Variants in PADI1 observed in about 807,000 individuals in gnomAD.
PADI1 encodes the protein peptidyl arginine deiminase 1, also known as protein-arginine deiminase type-1.
Under a neutral mutation model 74.8 loss-of-function variants are expected in PADI1, and 65 were observed. The ratio of observed to expected loss-of-function variants is 0.87; its 90% CI spans 0.71 to 1.07. The LOEUF is 1.07. PADI1 is among the 50% of genes least tolerant of loss of function. The pLI is 0.00. For synonymous variants in PADI1, 371 were observed against 336.2 expected (o/e 1.10, Z -1.13); for missense variants, 943 against 854.0 (o/e 1.10, Z -1.30).
intron 1 of PADI1, among the ~76,000 whole-genome samples, chr1:17,210,449 C>T (rs1005268143): frequency 6.6e-6 from 1 of 152,048 alleles, no homozygotes; most frequent in Non-Finnish European, 1.5e-5. Flanking sequence ...ACATTCTGGT[C>T]CCCAGCCCCT....
chr1:17,220,983 A>AGGGGTAGGGTGGGGGCCCGGCAGATGAGT (rs2072131954), intron 1 of PADI1, among the ~76,000 whole-genome samples: 1 of 152,092 alleles, frequency 6.6e-6, no homozygotes, highest in Non-Finnish European at 1.5e-5. Context: ...TGGTGGTGTG[A>AGGGGTAGGGTGGGGGCCCGGCAGATGAGT]GGGGTAGGGT....
chr1:17,214,881 C>A (rs561839984), intron 1 of PADI1, among the ~76,000 whole-genome samples: 1 of 152,224 alleles, frequency 6.6e-6, no homozygotes, highest in African/African-American at 2.4e-5. Context: ...TCAAAGGCAG[C>A]GCAGGGCTCA....
chr1:17,219,238 C>T (rs561043745), intron 1 of PADI1, among the ~76,000 whole-genome samples: 5 of 151,708 alleles, frequency 3.3e-5, no homozygotes, highest in Admixed American at 6.6e-5. Context: ...GTGGCCGCAG[C>T]GGGGGACTAT....
intron 1 of PADI1, among the ~76,000 whole-genome samples, chr1:17,220,749 G>A (rs772931201): frequency 2.6e-5 from 4 of 152,326 alleles, no homozygotes; most frequent in Middle Eastern, 3.4e-3. Flanking sequence ...GAGTGTGAGC[G>A]CCACAGGCTC....
At chr1:17,227,861 A>G (rs2072367284) in intron 6 of PADI1, among the ~76,000 whole-genome samples, 1 of 152,242 alleles carries the variant, frequency 6.6e-6, no homozygotes, top group Non-Finnish European at 1.5e-5. Flanking sequence ...GCAGCCACCA[A>G]TGTGCTCTCT....
At chr1:17,212,921 G>A (rs941557932) in intron 1 of PADI1, among the ~76,000 whole-genome samples, 6 of 152,166 alleles carry the variant, frequency 3.9e-5, no homozygotes, top group Admixed American at 6.5e-5. Flanking sequence ...CCTTGGTGCC[G>A]CCACCCTCCC....
chr1:17,239,942 C>T (rs2072738495), intron 14 of PADI1, 159 bp downstream of exon 14: 2 of 622,930 alleles, frequency 3.2e-6, no homozygotes, highest in Middle Eastern at 4.4e-4. Flanking sequence ...CCTTCAGGAA[C>T]CCACAGTCTG....
intron 1 of PADI1, among the ~76,000 whole-genome samples, chr1:17,212,540 T>C (rs911005080): frequency 6.6e-6 from 1 of 152,076 alleles, no homozygotes; most frequent in African/African-American, 2.4e-5. Context: ...ATTTCTCTTC[T>C]CCCTAGAGAC....
At chr1:17,217,906 C>T (rs544447217) in intron 1 of PADI1, among the ~76,000 whole-genome samples, 2 of 152,350 alleles carry the variant, frequency 1.3e-5, no homozygotes, top group South Asian at 4.1e-4. Context: ...ATAGCCATGA[C>T]ATTGTGGTTA....
intron 11 of PADI1, among the ~76,000 whole-genome samples, chr1:17,236,791 AAAG>A (rs2072652696): frequency 6.6e-6 from 1 of 152,086 alleles, no homozygotes. Context: ...AGAAAGAAAA[AAAG>A]AAAGGAAGGA....
intron 1 of PADI1, among the ~76,000 whole-genome samples, chr1:17,208,323 G>A (rs2071733499): frequency 6.6e-6 from 1 of 152,084 alleles, no homozygotes; most frequent in African/African-American, 2.4e-5. Flanking sequence ...GGGTGTCCCA[G>A]CCTAGGAAAC....
intron 10 of PADI1, among the ~76,000 whole-genome samples, chr1:17,232,350 C>T (rs1162368649): frequency 6.6e-6 from 1 of 152,208 alleles, no homozygotes; most frequent in Non-Finnish European, 1.5e-5. Flanking sequence ...AAGCCATCCT[C>T]CCACTTCACC....
chr1:17,244,296 G>A lies in PADI1; in HGVS notation c.*53G>A. 2 of 1,411,938 alleles carry A rather than the reference G, an allele frequency of 1.4e-6. No individual in the cohort carries two copies. Among genetic ancestry groups the A allele is most frequent in the Non-Finnish European group, 1.0e-6 (1 of 996,168 alleles). 87.5% of individuals were successfully genotyped at this position (1,411,938 alleles called of 1,614,324 possible). A position where few individuals can be genotyped will look rare whatever the true frequency, so the allele number is the denominator to read the frequency against. ...CCCTCTTGCTAGGGAACCCTGCCAG[G>A]GTGAAGGCAAGGAACAACCACCTGG... On this transcript the variant is annotated 3_prime_UTR_variant, in exon 16 of 16. Transcript: ENST00000375471.
At chr1:17,212,838 A>G (rs1162552285) in intron 1 of PADI1, among the ~76,000 whole-genome samples, 1 of 152,148 alleles carries the variant, frequency 6.6e-6, no homozygotes. Context: ...AGAAGATCAC[A>G]GGCACCACCC....
At position 17,237,355 on chromosome 1, in the gene PADI1, T is replaced by A. The variant is rs761238087; in HGVS notation, c.1355T>A (p.Leu452Gln). ...RQMARAVRNF[L>Q]KAQQVQAPVE... ...ATGGCCAGGGCAGTGCGGAACTTCC[T>A]GAAGGCACAGCAGGTGCAGGCACCC... Residue 452 changes from leucine (L) to glutamine (Q), a missense_variant, in exon 12 of 16, where the codon CTG (leucine) becomes CAG (glutamine). Leu to Gln is a moderately radical substitution (Grantham distance 113, BLOSUM62 -2). Transcript: ENST00000375471. 30 of 1,612,532 alleles carry A rather than the reference T, an allele frequency of 1.9e-5. No homozygotes were observed. In the South Asian group the frequency reaches 3.2e-4, roughly 17 times the overall value.
chr1:17,235,293 G>GGGAA lies in PADI1; in HGVS notation c.1314-2009_1314-2006dup, dbSNP rs796120861. 1.6e-3 allele frequency among the ~76,000 whole-genome samples: 98 copies of GGGAA among 62,868 alleles called. 7 individuals carry two copies. Among genetic ancestry groups the GGGAA allele is most frequent in the South Asian group, 4.1e-3 (7 of 1,712 alleles). The allele number at this position is 62,868 out of a possible 152,430, so 41.2% of individuals were successfully genotyped here. A position where few individuals can be genotyped will look rare whatever the true frequency, so the allele number is the denominator to read the frequency against. On this transcript the variant is annotated intron_variant, in intron 11 of 15. Transcript: ENST00000375471. ...AAGGAAGGAAGGAAGGAAGGAAGGA[G>GGGAA]GGAAGGAAGGAAGGAGGCAAAGTAG... is the stretch of plus-strand genomic sequence containing the variant.
At chr1:17,232,057 G>C (rs2072504489) in intron 10 of PADI1, among the ~76,000 whole-genome samples, 1 of 152,138 alleles carries the variant, frequency 6.6e-6, no homozygotes, top group South Asian at 2.1e-4. Context: ...TCCTGCCTCA[G>C]CCTCCCGAGT....
In PADI1 at chr1:17,230,259, G is replaced by A. The variant is rs777051561; in HGVS notation, c.1053+51G>A. On this transcript the variant is annotated intron_variant, in intron 9 of 15. Transcript: ENST00000375471. The stretch of plus-strand genomic sequence containing the variant: ...GCCTGCAGCCTGGCTTGGGGAAAGG[G>A]AAGCCGCACAGGTGCCTGATGGACC... The A allele has an allele frequency of 1.0e-5, 16 of 1,589,612 alleles. No individual in the cohort carries two copies. The East Asian group carries it at 3.3e-4, about 33-fold the overall frequency.
At chr1:17,230,703 A>G in intron 10 of PADI1, 24 bp downstream of exon 10, 1 of 1,428,322 alleles carries the variant, frequency 7.0e-7, no homozygotes, top group South Asian at 1.2e-5. Context: ...GGTAGAGTGC[A>G]GAAACCCTGG....
Sources: allele counts gnomAD v4.1 joint callset (sites outside exome capture counted in the v4.1 genomes callset), GRCh38; gene constraint gnomAD v4.1.1; transcripts MANE v1.5; gene names NCBI Gene and HGNC (gene_info 2026-07-23, HGNC 2026-07-21).